The following FREM1 variants were observed in gnomAD, a reference collection of about 807,000 sequenced individuals.
FREM1 encodes the protein FRAS1-related extracellular matrix protein 1.
Under a neutral mutation model 210.1 loss-of-function variants are expected in FREM1, and 220 were observed. The observed-to-expected ratio is 1.05, with a 90% CI of 0.94 to 1.17. The LOEUF (loss-of-function observed/expected upper bound fraction) is 1.17, where lower values mean the gene tolerates loss of function less well. FREM1 is among the 50% of genes most tolerant of loss of function. The pLI, the probability that FREM1 is intolerant of heterozygous loss-of-function variation, is 0.00. For missense variants in FREM1, 3,454 were observed against 2,675.5 expected, an observed-to-expected ratio of 1.29 and a Z score of -6.42; for synonymous variants, 1,189 against 980.2, an observed-to-expected ratio of 1.21 and a Z score of -3.98.
intron 1 of FREM1, among the ~76,000 whole-genome samples, chr9:14,906,208 G>T (rs1225554298): frequency 6.6e-6 from 1 of 152,138 alleles, no homozygotes; most frequent in Non-Finnish European, 1.5e-5. Context: ...GAGGAAACTG[G>T]CTGAGTAACT....
intron 2 of FREM1, among the ~76,000 whole-genome samples, chr9:14,864,286 G>A (rs961033492): frequency 6.6e-6 from 1 of 152,176 alleles, no homozygotes; most frequent in African/African-American, 2.4e-5. Flanking sequence ...TTCTTTCTGT[G>A]TGTCTGCATG....
chr9:14,770,765 C>A lies in FREM1; in HGVS notation c.4899G>T (p.Leu1633Phe). The change falls in exon 26 of 37, where the codon TTG (leucine) becomes TTT (phenylalanine). Residue 1633 changes from leucine to phenylalanine, a missense_variant. Leu to Phe is a conservative substitution (Grantham distance 22). Coordinates refer to ENST00000380880, the MANE Select transcript of FREM1 (RefSeq NM_001379081.2). ...GGAGCCCCACTTGAGAAGGGGAATG[C>A]AAGAGTGTGATACGAGGAGCTGTTT... ...LDKTAPRITLLHSPSQVGLLK... is the reference protein window; with the variant it reads ...LDKTAPRITLFHSPSQVGLLK... The A allele has an allele frequency of 6.2e-7, 1 of 1,613,334 alleles. No homozygotes were observed. Among genetic ancestry groups the A allele is most frequent in the Non-Finnish European group, 8.5e-7 (1 of 1,179,612 alleles).
intron 7 of FREM1, among the ~76,000 whole-genome samples, chr9:14,846,950 C>T (rs1415559401): frequency 6.6e-6 from 1 of 152,160 alleles, no homozygotes; most frequent in Non-Finnish European, 1.5e-5. Flanking sequence ...CGGCTACCTC[C>T]ACTGCCCTCT....
rs1491566949 is a variant in FREM1 at position 14,860,737 on chromosome 9, A to ATG, written c.330-1254_330-1253insCA. Among the ~76,000 whole-genome samples, 695 of 117,104 alleles carry ATG rather than the reference A, an allele frequency of 5.9e-3. 23 individuals are homozygous for ATG. The highest frequency in any genetic ancestry group is 0.011 in the African/African-American group (320 of 27,990). 76.8% of individuals were successfully genotyped at this position (117,104 alleles called of 152,430 possible). On this transcript the variant is annotated intron_variant, in intron 3 of 36. Coordinates refer to ENST00000380880, the MANE Select transcript of FREM1 (RefSeq NM_001379081.2). ...TATATACACATATATACACATATAT[A>ATG]CACATATATATGCACATATATATGC...
intron 25 of FREM1, among the ~76,000 whole-genome samples, chr9:14,774,511 A>ATC (rs36211636): frequency 0.023 from 3,195 of 136,054 alleles, 54 homozygotes; most frequent in East Asian, 0.042. Flanking sequence ...CCTAAAATAA[A>ATC]TCTCTCTCTC....
chr9:14,785,552 A>G (rs1026544172), intron 23 of FREM1, among the ~76,000 whole-genome samples: 5 of 152,218 alleles, frequency 3.3e-5, no homozygotes, highest in African/African-American at 1.2e-4. Context: ...CTCTCAACAG[A>G]TGAGTGGATA....
Position 14,789,105 on chromosome 9 carries a change from C to T in FREM1, c.3991G>A (p.Asp1331Asn). The change falls in exon 23 of 37, where the codon GAC (aspartate) becomes AAC (asparagine). Residue 1331 changes from aspartate to asparagine, a missense_variant. Asp to Asn is a conservative substitution (Grantham distance 23). Coordinates refer to ENST00000380880, the MANE Select transcript of FREM1 (RefSeq NM_001379081.2). ...ATGCCAGGGGAGAGAGGAACCCAGT[C>T]CCTCCCTATCTGGAAGGAGCCAGAG... The part of the protein sequence containing the change: ...NGQLQLKIGR[D>N]WVPLSPGMKC... The T allele has an allele frequency of 1.3e-6, 2 of 1,585,652 alleles. No homozygotes were observed. The highest frequency in any genetic ancestry group is 1.2e-5 in the South Asian group (1 of 86,426).
intron 10 of FREM1, among the ~76,000 whole-genome samples, chr9:14,835,900 C>T (rs1824489934): frequency 6.6e-6 from 1 of 152,186 alleles, no homozygotes; most frequent in East Asian, 1.9e-4. Context: ...TCTTGTTTTT[C>T]AGCTTTTTGC....
rs373138302 is a variant in FREM1, at chr9:14,846,076, T to G, written c.1277A>C (p.Glu426Ala). Residue 426 changes from glutamate to alanine, a missense_variant, in exon 8 of 37, where the codon GAG becomes GCG. By Grantham distance (107) the Glu-to-Ala change is moderately radical. Coordinates refer to ENST00000380880, the MANE Select transcript of FREM1 (RefSeq NM_001379081.2). ...CCAAGTGATGGCTCGAGACTGCCCC[T>G]CAAGGAGACTCAGACCTATGAAAGA... ...VSWNTGLSLL[E>A]GQSRAITWEQ... 2.5e-6 allele frequency: 4 copies of G among 1,578,132 alleles called. No homozygotes were observed. The African/African-American group carries it at 5.4e-5, about 21-fold the overall frequency.
chr9:14,792,834 G>A lies in FREM1; in HGVS notation c.3890C>T (p.Ala1297Val). ...GTCTTCATCTATGGCTGAAAGAATA[G>A]CACTGGAAATAATACGAGTTTCACC... ...NMGETRIISSAILSAIDEDSP... is the reference protein window; with the variant it reads ...NMGETRIISSVILSAIDEDSP... Residue 1297 changes from alanine to valine, a missense_variant, in exon 22 of 37, where the codon GCT (alanine) becomes GTT (valine). Physicochemically the swap from Ala to Val is moderately conservative, Grantham distance 64. Coordinates refer to ENST00000380880, the MANE Select transcript of FREM1 (RefSeq NM_001379081.2). 1 of 1,600,110 alleles carries A rather than the reference G, an allele frequency of 6.2e-7. No homozygotes were observed. The highest frequency in any genetic ancestry group is 8.5e-7 in the Non-Finnish European group (1 of 1,171,806).
At chr9:14,740,260 T>A in intron 35 of FREM1, 26 bp from the exon 36 acceptor site, 1 of 1,512,610 alleles carries the variant, frequency 6.6e-7, no homozygotes, top group African/African-American at 1.4e-5. Flanking sequence ...AATGAGAGTA[T>A]CAGCAACAAG....
chr9:14,880,284 A>G (rs796977735), intron 1 of FREM1, among the ~76,000 whole-genome samples: 13 of 152,326 alleles, frequency 8.5e-5, no homozygotes, highest in African/African-American at 3.1e-4. Context: ...TTTTAAAAAA[A>G]GGAAAAGAAG....
chr9:14,851,686 T>A, intron 5 of FREM1, 79 bp from the exon 6 acceptor site: 1 of 1,132,426 alleles, frequency 8.8e-7, no homozygotes, highest in South Asian at 1.2e-5. Context: ...AGCATAATAT[T>A]TAATACAGCC....
chr9:14,785,941 T>A lies in FREM1; in HGVS notation c.4178-1307A>T, dbSNP rs572692396. Among the ~76,000 whole-genome samples, 4 of 152,278 alleles carry A rather than the reference T, an allele frequency of 2.6e-5. No individual in the cohort carries two copies. In the East Asian group the frequency reaches 7.7e-4, roughly 29 times the overall value. Reference sequence around the variant, plus strand: ...ATGCATAATTCACCACTATTTTTTTTAAATGTATGACTGAGGAAGGTAGAA... The same window carrying A: ...ATGCATAATTCACCACTATTTTTTTAAAATGTATGACTGAGGAAGGTAGAA... On this transcript the variant is annotated intron_variant, in intron 23 of 36. Coordinates refer to ENST00000380880, the MANE Select transcript of FREM1 (RefSeq NM_001379081.2).
chr9:14,799,752 T>C (rs557494267), intron 20 of FREM1, among the ~76,000 whole-genome samples: 5 of 152,358 alleles, frequency 3.3e-5, no homozygotes, highest in African/African-American at 1.2e-4. Context: ...TGTATTTCTT[T>C]GCAATTGATA....
In FREM1 at chr9:14,898,437, A is replaced by G. The variant is rs1278669895; in HGVS notation, c.-268+11477T>C. ...TGATGGTGGATATATGTCATTAAAC[A>G]TTTGTCAGAACCCATAGAATGCAGC... On this transcript the variant is annotated intron_variant, in intron 1 of 36. Coordinates refer to ENST00000380880, the MANE Select transcript of FREM1 (RefSeq NM_001379081.2). 3.3e-5 allele frequency among the ~76,000 whole-genome samples: 5 copies of G among 152,312 alleles called. No individual in the cohort carries two copies. The East Asian group carries it at 9.7e-4, about 29-fold the overall frequency.
intron 25 of FREM1, among the ~76,000 whole-genome samples, chr9:14,773,018 A>G (rs1253934172): frequency 6.6e-6 from 1 of 152,150 alleles, no homozygotes; most frequent in African/African-American, 2.4e-5. Flanking sequence ...TATATCCTAG[A>G]TCTTATTCAA....
At chr9:14,803,913 T>C (rs1473314641) in intron 19 of FREM1, among the ~76,000 whole-genome samples, 1 of 152,202 alleles carries the variant, frequency 6.6e-6, no homozygotes, top group East Asian at 1.9e-4. Context: ...CCAAGAACTT[T>C]AATAAAGCAA....
At chr9:14,758,112 G>A (rs1403394248) in intron 28 of FREM1, among the ~76,000 whole-genome samples, 1 of 152,138 alleles carries the variant, frequency 6.6e-6, no homozygotes. Flanking sequence ...TCCACACAGG[G>A]TAAAAGCACC....
Sources: gnomAD v4.1 joint callset for allele counts (sites outside exome capture counted in the v4.1 genomes callset) on GRCh38, gnomAD v4.1.1 for gene constraint, MANE v1.5 for transcripts, NCBI Gene and HGNC (gene_info 2026-07-23, HGNC 2026-07-21) for gene names.